The following ZNF804A variants were observed in gnomAD, a reference collection of about 807,000 sequenced individuals.
The protein encoded by ZNF804A is zinc finger protein 804A.
Under a neutral mutation model 16.5 loss-of-function variants are expected in ZNF804A, and 2 were observed. The ratio of observed to expected loss-of-function variants is 0.12; its 90% CI spans 0.05 to 0.38. The LOEUF (loss-of-function observed/expected upper bound fraction) is 0.38. Ranked by LOEUF, ZNF804A falls within the 10% of genes least tolerant of loss-of-function variation. ZNF804A has a pLI of 0.99. For missense variants in ZNF804A, 1,473 were observed against 1,390.7 expected (o/e 1.06, Z -0.94); for synonymous variants, 534 against 489.6 (o/e 1.09, Z -1.20).
At chr2:184,774,390 A>C (rs1187541938) in intron 1 of ZNF804A, among the ~76,000 whole-genome samples, 1 of 151,916 alleles carries the variant, frequency 6.6e-6, no homozygotes, top group Admixed American at 6.6e-5. Context: ...CTTCTTTATT[A>C]CAGAAGAATA....
chr2:184,621,159 C>A (rs923396726), intron 1 of ZNF804A, among the ~76,000 whole-genome samples: 5 of 151,646 alleles, frequency 3.3e-5, no homozygotes, highest in Middle Eastern at 3.4e-3. Context: ...ATTTTTAGTT[C>A]TATTTTCAAA....
intron 1 of ZNF804A, among the ~76,000 whole-genome samples, chr2:184,642,236 G>A (rs1410291408): frequency 6.6e-6 from 1 of 152,020 alleles, no homozygotes; most frequent in Non-Finnish European, 1.5e-5. Context: ...TGTTTAATGA[G>A]TTCCCTAACT....
In ZNF804A at chr2:184,938,885, T is replaced by C; in HGVS notation, c.3489T>C (p.Phe1163=). 6.2e-7 allele frequency: 1 copy of C among 1,614,072 alleles called. No homozygotes were observed. Among genetic ancestry groups the C allele is most frequent in the Non-Finnish European group, 8.5e-7 (1 of 1,180,010 alleles). Residue 1163 remains phenylalanine (F), a synonymous_variant, in exon 4 of 4, where the codon TTT becomes TTC. Transcript: ENST00000302277. ...PRLCPGNQPT[F]VAPPQMPIIP... ...TTTGTCCTGGGAACCAGCCAACTTT[T>C]GTTGCTCCTCCTCAGATGCCAATCA...
At chr2:184,665,158 A>T (rs1207597622) in intron 1 of ZNF804A, among the ~76,000 whole-genome samples, 1 of 152,202 alleles carries the variant, frequency 6.6e-6, no homozygotes, top group Non-Finnish European at 1.5e-5. Context: ...TGCAGGCAAC[A>T]CATTTCAGAG....
At chr2:184,658,092 T>C (rs1692111025) in intron 1 of ZNF804A, among the ~76,000 whole-genome samples, 1 of 152,366 alleles carries the variant, frequency 6.6e-6, no homozygotes, top group South Asian at 2.1e-4. Context: ...GGTGTGATAA[T>C]TTTTTACCTC....
At position 184,765,357 on chromosome 2, in the gene ZNF804A, G is replaced by A. The variant is rs1053241090; in HGVS notation, c.112-101012G>A. On this transcript the variant is annotated intron_variant, in intron 1 of 3. Transcript: ENST00000302277. Reference sequence around the variant, plus strand: ...TGCCCAATTTCTGCCTCCAAAGAAAGAAGTAAAAACTAAAAGGCAGAAATG... The same window carrying A: ...TGCCCAATTTCTGCCTCCAAAGAAAAAAGTAAAAACTAAAAGGCAGAAATG... Among the ~76,000 whole-genome samples, 10 of 152,250 alleles carry A rather than the reference G, an allele frequency of 6.6e-5. No individual in the cohort carries two copies. In the East Asian group the frequency reaches 1.9e-3, roughly 29 times the overall value.
intron 2 of ZNF804A, among the ~76,000 whole-genome samples, chr2:184,882,353 A>G (rs1260523509): frequency 6.6e-6 from 1 of 152,110 alleles, no homozygotes; most frequent in African/African-American, 2.4e-5. Context: ...CCGTAACATA[A>G]TACTGGAAGA....
chr2:184,697,625 T>C (rs1017510663), intron 1 of ZNF804A, among the ~76,000 whole-genome samples: 17 of 152,118 alleles, frequency 1.1e-4, no homozygotes, highest in East Asian at 3.8e-4. Context: ...TATCAAGATA[T>C]GATAATTCAA....
At chr2:184,709,258 A>G (rs1216327685) in intron 1 of ZNF804A, among the ~76,000 whole-genome samples, 2 of 152,156 alleles carry the variant, frequency 1.3e-5, no homozygotes, top group Non-Finnish European at 2.9e-5. Flanking sequence ...AAAGAATTTT[A>G]TCTAAAGAAA....
chr2:184,915,782 A>G (rs967053998), intron 2 of ZNF804A, among the ~76,000 whole-genome samples: 3 of 152,188 alleles, frequency 2.0e-5, no homozygotes, highest in Non-Finnish European at 1.5e-5. Context: ...TTCAGATCTG[A>G]TATGTCATTA....
intron 1 of ZNF804A, among the ~76,000 whole-genome samples, chr2:184,777,454 C>G (rs760807691): frequency 6.6e-6 from 1 of 151,384 alleles, no homozygotes. Flanking sequence ...TTACATGATA[C>G]GAGGAAGTAT....
In ZNF804A at chr2:184,742,263, T is replaced by C. The variant is rs1693719576; in HGVS notation, c.112-124106T>C. On this transcript the variant is annotated intron_variant, in intron 1 of 3. Transcript: ENST00000302277. ...AAAGAGAGAAAAGCTGTTCTATTTC[T>C]TATTATCCATTGTTAAACCTGTGTA... is the stretch of plus-strand genomic sequence containing the variant. Among the ~76,000 whole-genome samples the C allele has an allele frequency of 2.0e-5, 3 of 152,048 alleles. No individual in the cohort carries two copies. In the South Asian group the frequency reaches 6.2e-4, roughly 31 times the overall value.
chr2:184,866,720 T>G (rs1328899743), intron 2 of ZNF804A, among the ~76,000 whole-genome samples: 1 of 151,242 alleles, frequency 6.6e-6, no homozygotes, highest in Non-Finnish European at 1.5e-5. Context: ...TAGCAAAGTC[T>G]GAAATAATCA....
At chr2:184,703,846 T>C (rs1692974655) in intron 1 of ZNF804A, among the ~76,000 whole-genome samples, 1 of 152,088 alleles carries the variant, frequency 6.6e-6, no homozygotes, top group Admixed American at 6.5e-5. Flanking sequence ...TTTATAATAG[T>C]GCATATATAA....
intron 1 of ZNF804A, among the ~76,000 whole-genome samples, chr2:184,637,728 A>G (rs564885653): frequency 3.3e-5 from 5 of 152,156 alleles, no homozygotes; most frequent in African/African-American, 1.2e-4. Flanking sequence ...TTAATAATTA[A>G]GCTATTTATT....
At chr2:184,620,774 T>C (rs1691404918) in intron 1 of ZNF804A, among the ~76,000 whole-genome samples, 1 of 151,740 alleles carries the variant, frequency 6.6e-6, no homozygotes, top group Admixed American at 6.6e-5. Flanking sequence ...AGTGTCACAA[T>C]TATTGGTAGT....
intron 1 of ZNF804A, among the ~76,000 whole-genome samples, chr2:184,807,306 TTGGATGCACCAAATTTAGCAACCTG>T (rs1460150952): frequency 6.6e-6 from 1 of 151,888 alleles, no homozygotes; most frequent in Non-Finnish European, 1.5e-5. Flanking sequence ...CTTGTGAAGT[TTGGATGCACCAAATTTAGCAACCTG>T]GGTTAATTGT....
chr2:184,864,405 C>T (rs1695844449), intron 1 of ZNF804A, among the ~76,000 whole-genome samples: 1 of 152,108 alleles, frequency 6.6e-6, no homozygotes, highest in South Asian at 2.1e-4. Flanking sequence ...GGCCCCACCT[C>T]CAGCATTGAA....
chr2:184,703,689 CAA>C (rs10593157), intron 1 of ZNF804A, among the ~76,000 whole-genome samples: 68 of 56,454 alleles, frequency 1.2e-3, no homozygotes, highest in Non-Finnish European at 1.6e-3. Context: ...GACTCCGGTT[CAA>C]AAAAAAAAAA....
Sources: gnomAD v4.1 joint callset for allele counts (sites outside exome capture counted in the v4.1 genomes callset) on GRCh38, gnomAD v4.1.1 for gene constraint, MANE v1.5 for transcripts, NCBI Gene and HGNC (gene_info 2026-07-23, HGNC 2026-07-21) for gene names.